The following ANXA8 variants were observed in gnomAD, a reference collection of about 807,000 sequenced individuals.
ANXA8 encodes the protein annexin A8, also known as VAC-beta.
In ANXA8, 9 loss-of-function variants were observed where a neutral mutation model predicts 26.8. The observed-to-expected ratio is 0.34, with a 90% confidence interval of 0.20 to 0.59. The LOEUF (loss-of-function observed/expected upper bound fraction) is 0.59, where lower values mean the gene tolerates loss of function less well. Among genes scored for constraint, ANXA8 ranks in the 20% least tolerant of loss-of-function variants. ANXA8 has a pLI of 0.84. For missense variants in ANXA8, 83 were observed against 238.5 expected (o/e 0.35, Z 4.29); for synonymous variants, 39 against 94.8 (o/e 0.41, Z 3.42).
chr10:47,649,600 G>C, the ANXA8 span, among the ~76,000 whole-genome samples: 3 of 151,420 alleles, frequency 2.0e-5, no homozygotes, highest in Admixed American at 6.6e-5. Context: ...GAAGAGATGG[G>C]GTTTCACCAT....
the ANXA8 span, among the ~76,000 whole-genome samples, chr10:47,905,673 A>T: frequency 0.021 from 3,009 of 143,796 alleles, 27 homozygotes; most frequent in East Asian, 0.03. Flanking sequence ...GAATCAACAA[A>T]CGGTAAAGGT....
chr10:47,704,975 C>T, the ANXA8 span, among the ~76,000 whole-genome samples: 210 of 152,154 alleles, frequency 1.4e-3, 1 homozygote, highest in African/African-American at 4.8e-3. Context: ...TAAAAATCCT[C>T]GTAAGATTTC....
At chr10:47,626,356 A>ACAAAAC in the ANXA8 span, among the ~76,000 whole-genome samples, 1 of 150,398 alleles carries the variant, frequency 6.6e-6, no homozygotes, top group Non-Finnish European at 1.5e-5. Flanking sequence ...GACTGTGAAA[A>ACAAAAC]CAAAACCACT....
the ANXA8 span, among the ~76,000 whole-genome samples, chr10:47,695,409 G>A: frequency 2.0e-5 from 3 of 151,384 alleles, no homozygotes; most frequent in Non-Finnish European, 2.9e-5. Flanking sequence ...CAAGGAGTGG[G>A]AAGGGAGAGG....
the ANXA8 span, among the ~76,000 whole-genome samples, chr10:47,671,871 CTT>C: frequency 6.8e-6 from 1 of 147,838 alleles, no homozygotes; most frequent in Admixed American, 6.7e-5. Flanking sequence ...TGTTTTGCTT[CTT>C]TTTTTTTTTA....
the ANXA8 span, among the ~76,000 whole-genome samples, chr10:47,551,593 T>C: frequency 3.9e-5 from 6 of 151,906 alleles, no homozygotes; most frequent in Non-Finnish European, 8.8e-5. Context: ...CTATGGCAAG[T>C]CTTCTCACGT....
At chr10:47,556,999 C>G in the ANXA8 span, among the ~76,000 whole-genome samples, 3 of 140,534 alleles carry the variant, frequency 2.1e-5, no homozygotes, top group East Asian at 6.6e-4. Flanking sequence ...TTTTTATTTT[C>G]TTTCTTTTTT....
the ANXA8 span, among the ~76,000 whole-genome samples, chr10:47,621,683 A>C: frequency 9.4e-6 from 1 of 106,288 alleles, no homozygotes; most frequent in South Asian, 3.1e-4. Context: ...TAATTAATTA[A>C]CCTGGCTGCT....
chr10:47,563,741 A>G, the ANXA8 span: 2 of 839,210 alleles, frequency 2.4e-6, no homozygotes, highest in Non-Finnish European at 4.2e-6. Context: ...ATGTTTACAA[A>G]CATGTTACTG....
At chr10:47,977,599 C>T in the ANXA8 span, among the ~76,000 whole-genome samples, 2 of 151,528 alleles carry the variant, frequency 1.3e-5, no homozygotes, top group South Asian at 2.1e-4. Context: ...TTACCAAATA[C>T]AGCATATCAA....
the ANXA8 span, among the ~76,000 whole-genome samples, chr10:47,562,210 G>A: frequency 1.3e-5 from 2 of 151,340 alleles, no homozygotes; most frequent in African/African-American, 4.9e-5. Context: ...TAATATTAAG[G>A]TTGATGTTTT....
chr10:47,597,106 G>T, the ANXA8 span, among the ~76,000 whole-genome samples: 1 of 149,014 alleles, frequency 6.7e-6, no homozygotes. Flanking sequence ...TCAAATATAT[G>T]CAAATCAGTT....
the ANXA8 span, among the ~76,000 whole-genome samples, chr10:47,650,954 A>G: frequency 3.0e-4 from 45 of 150,864 alleles, no homozygotes; most frequent in Middle Eastern, 3.4e-3. Context: ...CAGTGAGGCC[A>G]GGTGTGGTGG....
At chr10:47,691,128 C>G in the ANXA8 span, 1 of 1,609,050 alleles carries the variant, frequency 6.2e-7, no homozygotes, top group African/African-American at 1.3e-5. Context: ...GCAACAGTTA[C>G]AGTAAGTGAT....
chr10:47,945,026 T>C, the ANXA8 span, among the ~76,000 whole-genome samples: 2 of 150,460 alleles, frequency 1.3e-5, no homozygotes, highest in Admixed American at 6.6e-5. Flanking sequence ...GTACTCCACC[T>C]GGCCTACAAC....
chr10:47,681,523 CTTTTT>C, the ANXA8 span, among the ~76,000 whole-genome samples: 17 of 81,272 alleles, frequency 2.1e-4, no homozygotes, highest in East Asian at 8.6e-3. Flanking sequence ...TTTATTTTTA[CTTTTT>C]TTTTTTTTTT....
At chr10:47,982,154 G>A in the ANXA8 span, among the ~76,000 whole-genome samples, 4 of 151,288 alleles carry the variant, frequency 2.6e-5, no homozygotes, top group African/African-American at 9.7e-5. Context: ...GCTGGGTGTG[G>A]TGGTGTGTGC....
the ANXA8 span, among the ~76,000 whole-genome samples, chr10:47,682,641 T>A: frequency 6.6e-6 from 1 of 151,570 alleles, no homozygotes; most frequent in African/African-American, 2.4e-5. Flanking sequence ...GGCAAATTTT[T>A]TGTGTTTTTA....
the ANXA8 span, among the ~76,000 whole-genome samples, chr10:47,631,033 A>G: frequency 6.7e-6 from 1 of 150,022 alleles, no homozygotes; most frequent in Non-Finnish European, 1.5e-5. Flanking sequence ...ATCTGTTGGG[A>G]ACTAGCTGCC....
Sources: allele counts gnomAD v4.1 joint callset (sites outside exome capture counted in the v4.1 genomes callset), GRCh38; gene constraint gnomAD v4.1.1; transcripts MANE v1.5; gene names NCBI Gene and HGNC (gene_info 2026-07-23, HGNC 2026-07-21).